Variants in MICAL2 observed in about 807,000 individuals in gnomAD.
The protein encoded by MICAL2 is microtubule associated monooxygenase, calponin and LIM domain containing 2, also known as [F-actin]-monooxygenase MICAL2.
MICAL2 carries 77 observed loss-of-function variants against 127.3 expected under a neutral mutation model. That is an observed-to-expected ratio of 0.60 (90% confidence interval 0.50 to 0.73). The LOEUF is 0.73. MICAL2 is among the 30% of genes least tolerant of loss of function. The probability of loss-of-function intolerance (pLI) is 0.00; values close to 1 mark genes in which losing one functional copy is unlikely to be tolerated. For missense variants in MICAL2, 1,351 were observed against 1,434.4 expected, an observed-to-expected ratio of 0.94 and a Z score of 0.94; for synonymous variants, 570 against 551.1, an observed-to-expected ratio of 1.03 and a Z score of -0.48.
intron 2 of MICAL2, among the ~76,000 whole-genome samples, chr11:12,153,498 T>C (rs545962499): frequency 6.6e-4 from 101 of 152,274 alleles, no homozygotes; most frequent in African/African-American, 2.3e-3. Context: ...AGTGCGGTGG[T>C]GCAATCTTGG....
intron 29 of MICAL2, among the ~76,000 whole-genome samples, chr11:12,299,024 A>G (rs1017418511): frequency 1.3e-5 from 2 of 152,222 alleles, no homozygotes; most frequent in Non-Finnish European, 2.9e-5. Flanking sequence ...AACTTAGGGT[A>G]AATATATTTT....
chr11:12,242,243 G>T lies in MICAL2; in HGVS notation c.2367G>T (p.Val789=), dbSNP rs996030357. 2 of 1,612,438 alleles carry T rather than the reference G, an allele frequency of 1.2e-6. No homozygotes were observed. The highest frequency in any genetic ancestry group is 3.3e-5 in the Admixed American group (2 of 59,930). The stretch of plus-strand genomic sequence containing the variant: ...CCTCTGTGGTCGTGACGGGGCACGT[G>T]CTCAGAGAGCTCAAGCAAGTGTCTG... ...QFPSVVVTGH[V]LRELKQVSAG... is the part of the protein sequence containing the mutation. The change falls in exon 19 of 28, where the codon GTG becomes GTT. Residue 789 remains valine, a synonymous_variant. Transcript: ENST00000683283.
At chr11:12,281,760 T>C (rs184855155) in intron 2 of MICAL2, among the ~76,000 whole-genome samples, 45 of 152,356 alleles carry the variant, frequency 3.0e-4, no homozygotes, top group African/African-American at 1.0e-3. Context: ...CAGCCAGTGC[T>C]GGTGCCACCC....
At chr11:12,184,036 T>G (rs1453765713) in intron 3 of MICAL2, among the ~76,000 whole-genome samples, 1 of 152,222 alleles carries the variant, frequency 6.6e-6, no homozygotes, top group Non-Finnish European at 1.5e-5. Context: ...CGCCTTGGTT[T>G]CCCAAAGTGC....
intron 1 of MICAL2, among the ~76,000 whole-genome samples, chr11:12,279,666 C>T (rs1410987622): frequency 1.3e-5 from 2 of 152,236 alleles, no homozygotes; most frequent in African/African-American, 2.4e-5. Context: ...CAAACAGCCC[C>T]TCTCCCTTCC....
At chr11:12,278,719 T>C (rs2134761431) in intron 1 of MICAL2, among the ~76,000 whole-genome samples, 1 of 152,282 alleles carries the variant, frequency 6.6e-6, no homozygotes, top group South Asian at 2.1e-4. Context: ...GAGATGGATT[T>C]GTTAATGGAC....
chr11:12,250,907 G>A (rs1269625220), intron 22 of MICAL2, among the ~76,000 whole-genome samples: 7 of 152,116 alleles, frequency 4.6e-5, no homozygotes, highest in Non-Finnish European at 1.5e-5. Flanking sequence ...GGAACCACTG[G>A]ACTGGCTCTA....
chr11:12,292,138 G>T, downstream of MICAL2: 1 of 1,612,642 alleles, frequency 6.2e-7, no homozygotes, highest in Non-Finnish European at 8.5e-7. Context: ...TTCTTTCCTT[G>T]GTAGGTTTGA....
At chr11:12,137,873 C>T (rs914760657) in intron 1 of MICAL2, among the ~76,000 whole-genome samples, 3 of 152,090 alleles carry the variant, frequency 2.0e-5, no homozygotes, top group East Asian at 1.9e-4. Flanking sequence ...TAATGTGGGT[C>T]GTCACTGGAA....
Position 12,227,757 on chromosome 11 carries a change from T to G in MICAL2, c.1995+626T>G, listed in dbSNP as rs1039327684. ...AATGTCTCTGTAATTTTTTTCATGG[T>G]GGGCCTATACCAAAATAAATACCTA... On this transcript the variant is annotated intron_variant, in intron 15 of 27. Coordinates refer to ENST00000683283, the MANE Select transcript of MICAL2 (RefSeq NM_001282663.2). 1.6e-4 allele frequency among the ~76,000 whole-genome samples: 25 copies of G among 152,242 alleles called. 1 individual carries two copies. The highest frequency in any genetic ancestry group is 1.1e-3 in the Admixed American group (17 of 15,288).
chr11:12,224,870 A>G, intron 13 of MICAL2, 50 bp downstream of exon 13: 1 of 1,568,198 alleles, frequency 6.4e-7, no homozygotes, highest in Admixed American at 1.8e-5. Context: ...TGCCAAGGCC[A>G]TTCTGCTGCA....
chr11:12,199,867 C>T (rs1016982074), intron 3 of MICAL2, among the ~76,000 whole-genome samples: 1 of 152,190 alleles, frequency 6.6e-6, no homozygotes, highest in African/African-American at 2.4e-5. Flanking sequence ...GTTGGTTCTG[C>T]CCTGCTCCCC....
At chr11:12,335,739 A>G (rs1213089270) in intron 32 of MICAL2, among the ~76,000 whole-genome samples, 3 of 151,974 alleles carry the variant, frequency 2.0e-5, no homozygotes, top group Non-Finnish European at 4.4e-5. Context: ...GTTTTTGTCA[A>G]GTTTGTCAAA....
chr11:12,359,468 CAA>C (rs1365313033), downstream of MICAL2, among the ~76,000 whole-genome samples: 1 of 152,012 alleles, frequency 6.6e-6, no homozygotes, highest in African/African-American at 2.4e-5. Flanking sequence ...TTCTTAGACT[CAA>C]AGAGAGAAGT....
In MICAL2 at chr11:12,211,205, C is replaced by T. The variant is rs559117082; in HGVS notation, c.691+1607C>T. On this transcript the variant is annotated intron_variant, in intron 6 of 27. Transcript: ENST00000683283. The stretch of plus-strand genomic sequence containing the variant: ...GACCATCCTGGCTAACAGGGTGAAA[C>T]CCCATCTCTACTAAAAACACAAAAA... Among the ~76,000 whole-genome samples, 3 of 152,142 alleles carry T rather than the reference C, an allele frequency of 2.0e-5. No homozygotes were observed. In the South Asian group the frequency reaches 6.2e-4, roughly 32 times the overall value.
chr11:12,257,524 G>A (rs368162170), intron 24 of MICAL2, among the ~76,000 whole-genome samples: 18 of 152,188 alleles, frequency 1.2e-4, no homozygotes, highest in East Asian at 1.2e-3. Flanking sequence ...CACCTATAAC[G>A]AGAGGCAGTA....
At chr11:12,356,262 C>A (rs2134911624) in intron 34 of MICAL2, among the ~76,000 whole-genome samples, 1 of 152,298 alleles carries the variant, frequency 6.6e-6, no homozygotes, top group Non-Finnish European at 1.5e-5. Context: ...ATGCATCCTC[C>A]CACTGATTAG....
chr11:12,301,399 GT>G, intron 29 of MICAL2, among the ~76,000 whole-genome samples: 1 of 152,240 alleles, frequency 6.6e-6, no homozygotes. Flanking sequence ...CGTGCCTTCT[GT>G]TTTTGGGCAT....
chr11:12,246,800 T>C (rs1860819657), intron 21 of MICAL2, among the ~76,000 whole-genome samples: 2 of 152,136 alleles, frequency 1.3e-5, no homozygotes, highest in South Asian at 4.1e-4. Context: ...GAAAATCCAT[T>C]GTTAGGCATT....
Sources: gnomAD v4.1 joint callset for allele counts (sites outside exome capture counted in the v4.1 genomes callset) on GRCh38, gnomAD v4.1.1 for gene constraint, MANE v1.5 for transcripts, NCBI Gene and HGNC (gene_info 2026-07-23, HGNC 2026-07-21) for gene names.